CREB5: variants seen among roughly 807,000 people sequenced by gnomAD.
The protein encoded by CREB5 is cyclic AMP-responsive element-binding protein 5.
A neutral mutation model predicts 57.1 loss-of-function variants in CREB5; 19 were observed. That is an observed-to-expected ratio of 0.33 (90% CI 0.23 to 0.49). CREB5 has a LOEUF of 0.49. Ranked by LOEUF, CREB5 falls within the 20% of genes least tolerant of loss-of-function variation. CREB5 has a pLI of 0.99. For synonymous variants in CREB5, 238 were observed against 238.3 expected, an observed-to-expected ratio of 1.00 and a Z score of 0.01; for missense variants, 579 against 671.6, an observed-to-expected ratio of 0.86 and a Z score of 1.52.
chr7:28,560,319 G>A (rs1162481562), intron 4 of CREB5, among the ~76,000 whole-genome samples: 1 of 152,130 alleles, frequency 6.6e-6, no homozygotes, highest in African/African-American at 2.4e-5. Context: ...CAGTGTGGCT[G>A]GAGTTTAGGG....
intron 4 of CREB5, among the ~76,000 whole-genome samples, chr7:28,533,066 C>T (rs901628632): frequency 6.6e-6 from 1 of 152,152 alleles, no homozygotes; most frequent in African/African-American, 2.4e-5. Context: ...ACCAGCCTGA[C>T]CATGATGGTG....
At chr7:28,680,304 T>C (rs910972314) in intron 5 of CREB5, among the ~76,000 whole-genome samples, 5 of 152,140 alleles carry the variant, frequency 3.3e-5, no homozygotes, top group African/African-American at 4.8e-5. Flanking sequence ...ACATCATCAG[T>C]TGGGTTGTCC....
intron 5 of CREB5, among the ~76,000 whole-genome samples, chr7:28,584,442 G>T (rs1482270254): frequency 6.6e-6 from 1 of 152,164 alleles, no homozygotes; most frequent in African/African-American, 2.4e-5. Flanking sequence ...GCCATGTGGA[G>T]ACACGGGGAC....
At chr7:28,534,069 G>C in intron 4 of CREB5, among the ~76,000 whole-genome samples, 1 of 152,178 alleles carries the variant, frequency 6.6e-6, no homozygotes, top group East Asian at 1.9e-4. Context: ...ACAACACTGG[G>C]GGGAAGAGTC....
chr7:28,818,636 CCCTT>C, intron 10 of CREB5: 1 of 413,824 alleles, frequency 2.4e-6, no homozygotes, highest in East Asian at 7.0e-5. Flanking sequence ...GTAAAATGAT[CCCTT>C]CCTTCAGACC....
chr7:28,525,342 A>C (rs1793402054), intron 4 of CREB5, among the ~76,000 whole-genome samples: 1 of 152,232 alleles, frequency 6.6e-6, no homozygotes. Context: ...ATAAATACTC[A>C]GTAGTGAGAT....
intron 4 of CREB5, among the ~76,000 whole-genome samples, chr7:28,560,879 C>CGTGCGTGCGCGTGCGTGT (rs1795133436): frequency 0.015 from 340 of 22,048 alleles, 62 homozygotes; most frequent in African/African-American, 0.041. Context: ...CGTGCGCGTG[C>CGTGCGTGCGCGTGCGTGT]GTGCGTGCGT....
At chr7:28,753,548 A>AT (rs1265207080) in intron 7 of CREB5, among the ~76,000 whole-genome samples, 1 of 152,222 alleles carries the variant, frequency 6.6e-6, no homozygotes, top group East Asian at 1.9e-4. Flanking sequence ...TTCTGAGAAA[A>AT]TTAGCAGTAA....
At chr7:28,782,798 G>A (rs1203775975) in intron 7 of CREB5, among the ~76,000 whole-genome samples, 1 of 152,186 alleles carries the variant, frequency 6.6e-6, no homozygotes, top group Non-Finnish European at 1.5e-5. Context: ...AAACTGAACT[G>A]GCCAATGGTG....
intron 1 of CREB5, among the ~76,000 whole-genome samples, chr7:28,376,711 G>A (rs1303356010): frequency 6.6e-6 from 1 of 152,206 alleles, no homozygotes; most frequent in Admixed American, 6.5e-5. Context: ...ACTCACCTTA[G>A]CTCAGTGTTG....
At chr7:28,322,238 G>T (rs1489387515) in intron 1 of CREB5, among the ~76,000 whole-genome samples, 1 of 151,998 alleles carries the variant, frequency 6.6e-6, no homozygotes, top group East Asian at 1.9e-4. Flanking sequence ...ACGGATTTTT[G>T]AAATTCAGGA....
chr7:28,471,547 G>A (rs561061488), intron 1 of CREB5, among the ~76,000 whole-genome samples: 1 of 152,294 alleles, frequency 6.6e-6, no homozygotes, highest in East Asian at 1.9e-4. Flanking sequence ...CAGTACTACA[G>A]AGCTGGGGCT....
chr7:28,601,381 C>T (rs1796915067), intron 5 of CREB5, among the ~76,000 whole-genome samples: 1 of 152,028 alleles, frequency 6.6e-6, no homozygotes, highest in African/African-American at 2.4e-5. Flanking sequence ...TTGTAGTTGG[C>T]AAGGTAGAGG....
intron 1 of CREB5, among the ~76,000 whole-genome samples, chr7:28,476,917 A>C (rs1246978573): frequency 6.6e-6 from 1 of 152,208 alleles, no homozygotes; most frequent in East Asian, 1.9e-4. Flanking sequence ...CTTTATGGCC[A>C]TTAAAATTCT....
chr7:28,466,408 C>G (rs1303907699), intron 1 of CREB5, among the ~76,000 whole-genome samples: 1 of 152,136 alleles, frequency 6.6e-6, no homozygotes, highest in Non-Finnish European at 1.5e-5. Flanking sequence ...GTAGGCGTTG[C>G]AGTTGGCAGA....
chr7:28,783,219 A>G (rs1375479766), intron 7 of CREB5, among the ~76,000 whole-genome samples: 1 of 152,154 alleles, frequency 6.6e-6, no homozygotes, highest in Non-Finnish European at 1.5e-5. Context: ...TCTCCTTAAT[A>G]TGCAATGTCC....
intron 3 of CREB5, among the ~76,000 whole-genome samples, chr7:28,500,347 T>A (rs1792227237): frequency 6.6e-6 from 1 of 152,178 alleles, no homozygotes; most frequent in South Asian, 2.1e-4. Flanking sequence ...TGGGACTGGA[T>A]GTGGGTAAGA....
At chr7:28,513,159 A>G (rs192970351) in intron 4 of CREB5, among the ~76,000 whole-genome samples, 1 of 152,346 alleles carries the variant, frequency 6.6e-6, no homozygotes, top group East Asian at 1.9e-4. Flanking sequence ...TTCTTACACT[A>G]TCTTGTGCCC....
intron 7 of CREB5, among the ~76,000 whole-genome samples, chr7:28,790,828 G>T (rs1807660428): frequency 6.6e-6 from 1 of 152,212 alleles, no homozygotes; most frequent in Non-Finnish European, 1.5e-5. Context: ...ATTAAGTCAG[G>T]CTGGTTGGAA....
Sources: gnomAD v4.1 joint callset for allele counts (sites outside exome capture counted in the v4.1 genomes callset) on GRCh38, gnomAD v4.1.1 for gene constraint, MANE v1.5 for transcripts, NCBI Gene and HGNC (gene_info 2026-07-23, HGNC 2026-07-21) for gene names.